CENPK: variants seen among roughly 807,000 people sequenced by gnomAD.
The protein encoded by CENPK is centromere protein K.
CENPK carries 46 observed loss-of-function variants against 40.9 expected under a neutral mutation model. The observed-to-expected ratio is 1.13, with a 90% confidence interval of 0.89 to 1.44. The LOEUF is 1.44. CENPK is among the 40% of genes most tolerant of loss of function. The pLI is 0.00. For synonymous variants in CENPK, 107 were observed against 104.4 expected, an observed-to-expected ratio of 1.02 and a Z score of -0.15; for missense variants, 288 against 303.5, an observed-to-expected ratio of 0.95 and a Z score of 0.38.
chr5:65,509,349 T>C, the CENPK span, among the ~76,000 whole-genome samples: 3 of 152,190 alleles, frequency 2.0e-5, no homozygotes, highest in African/African-American at 7.2e-5. Flanking sequence ...CCCACCTCCA[T>C]AGTTTTGCCT....
chr5:65,535,832 CA>C (rs1324017005), intron 6 of CENPK, among the ~76,000 whole-genome samples: 1 of 152,180 alleles, frequency 6.6e-6, no homozygotes, highest in African/African-American at 2.4e-5. Flanking sequence ...ACACAACTAG[CA>C]TTACAAATGA....
intron 5 of CENPK, among the ~76,000 whole-genome samples, chr5:65,548,754 T>C (rs768979631): frequency 6.6e-6 from 1 of 152,218 alleles, no homozygotes; most frequent in Non-Finnish European, 1.5e-5. Context: ...CAACTCCTCA[T>C]CTGTTCAAGT....
intron 6 of CENPK, 141 bp downstream of exon 6, chr5:65,542,661 G>T: frequency 3.5e-6 from 2 of 579,478 alleles, no homozygotes; most frequent in South Asian, 3.1e-5. Flanking sequence ...CAAATATTAT[G>T]TTCAATAAAA....
chr5:65,526,012 A>T (rs1412546719), intron 9 of CENPK, among the ~76,000 whole-genome samples: 2 of 152,216 alleles, frequency 1.3e-5, no homozygotes, highest in Non-Finnish European at 2.9e-5. Context: ...AGAGAAAGAA[A>T]CACACAGAGA....
At chr5:65,523,166 C>G (rs1403239850) in intron 9 of CENPK, among the ~76,000 whole-genome samples, 1 of 152,146 alleles carries the variant, frequency 6.6e-6, no homozygotes, top group Non-Finnish European at 1.5e-5. Flanking sequence ...AAATAGTCTT[C>G]AATCTGTCAT....
chr5:65,515,204 A>AAAATTTTTTTTTT, downstream of CENPK, among the ~76,000 whole-genome samples: 1 of 124,066 alleles, frequency 8.1e-6, no homozygotes, highest in East Asian at 2.8e-4. Flanking sequence ...TCTCAAAAAA[A>AAAATTTTTTTTTT]TTTTTTTTTT....
intron 9 of CENPK, among the ~76,000 whole-genome samples, chr5:65,522,786 C>T (rs1580888475): frequency 1.3e-5 from 2 of 152,148 alleles, no homozygotes; most frequent in African/African-American, 2.4e-5. Flanking sequence ...GATTATTCTC[C>T]GAATGTGCTC....
rs1285371191 is a variant in CENPK, at chr5:65,554,959, A to G, written c.-39-13T>C. On this transcript the variant is annotated splice_polypyrimidine_tract_variant and intron_variant, in intron 2 of 10. Transcript: ENST00000396679. ...CTTATAAGAAAAACTAAAGCAAAAA[A>G]TATTTATTCATTCAGCAGTATTGGT... is the stretch of plus-strand genomic sequence containing the variant. 3 of 1,025,240 alleles carry G rather than the reference A, an allele frequency of 2.9e-6. No individual in the cohort carries two copies. The highest frequency in any genetic ancestry group is 2.4e-5 in the East Asian group (1 of 41,952). 63.5% of individuals were successfully genotyped at this position (1,025,240 alleles called of 1,614,324 possible). A position where few individuals can be genotyped will look rare whatever the true frequency, so the allele number is the denominator to read the frequency against.
downstream of CENPK, among the ~76,000 whole-genome samples, chr5:65,516,990 T>A (rs1742904793): frequency 6.6e-6 from 1 of 152,070 alleles, no homozygotes; most frequent in Admixed American, 6.5e-5. Context: ...TCACCCAGGC[T>A]GGAGTGCAGT....
At chr5:65,547,177 G>A (rs1425793679) in intron 5 of CENPK, among the ~76,000 whole-genome samples, 1 of 152,108 alleles carries the variant, frequency 6.6e-6, no homozygotes, top group Non-Finnish European at 1.5e-5. Flanking sequence ...AGGATCACCT[G>A]AGGTCAAGAG....
intron 1 of CENPK, among the ~76,000 whole-genome samples, chr5:65,562,187 T>C: frequency 6.6e-6 from 1 of 152,138 alleles, no homozygotes; most frequent in Non-Finnish European, 1.5e-5. Context: ...TTCATCCTCA[T>C]TATTGCATTG....
Position 65,529,007 on chromosome 5 carries a change from A to G in CENPK, c.382T>C (p.Trp128Arg). 7 of 1,608,494 alleles carry G rather than the reference A, an allele frequency of 4.4e-6. No individual in the cohort carries two copies. The highest frequency in any genetic ancestry group is 6.0e-6 in the Non-Finnish European group (7 of 1,176,350). ...LKEDLEREQR[W>R]LDEQQQIMES... ...ATTATCTGTTGCTGTTCATCCAACC[A>G]CCGTTGTTCCCTTTCGACATGGAAA... Residue 128 changes from tryptophan to arginine, a missense_variant, in exon 8 of 11, where the codon TGG becomes CGG. By Grantham distance (101) the Trp-to-Arg change is moderately radical. Coordinates refer to ENST00000396679, the MANE Select transcript of CENPK (RefSeq NM_022145.5).
intron 5 of CENPK, among the ~76,000 whole-genome samples, chr5:65,545,575 C>T (rs1385952457): frequency 6.6e-6 from 1 of 152,112 alleles, no homozygotes; most frequent in Non-Finnish European, 1.5e-5. Context: ...GACAATTTGT[C>T]ACCAGCAGAC....
At chr5:65,540,761 C>CATGACTTG (rs1747810422) in intron 6 of CENPK, among the ~76,000 whole-genome samples, 1 of 151,682 alleles carries the variant, frequency 6.6e-6, no homozygotes, top group Non-Finnish European at 1.5e-5. Context: ...TCCCTTCCAC[C>CATGACTTG]ATGACTTGCC....
intron 9 of CENPK, among the ~76,000 whole-genome samples, chr5:65,524,108 G>A (rs976278208): frequency 1.3e-5 from 2 of 152,050 alleles, no homozygotes; most frequent in Non-Finnish European, 2.9e-5. Context: ...GGGCACGGTG[G>A]CTCATGCCTG....
chr5:65,529,584 T>C (rs1745372417), intron 6 of CENPK: 1 of 167,004 alleles, frequency 6.0e-6, no homozygotes, highest in South Asian at 1.5e-4. Context: ...GCCTCCCGGG[T>C]TCACGCCATT....
At chr5:65,501,547 G>C in the CENPK span, among the ~76,000 whole-genome samples, 1 of 151,944 alleles carries the variant, frequency 6.6e-6, no homozygotes, top group African/African-American at 2.4e-5. Context: ...CTAGTTCTTC[G>C]GGCATGTATT....
chr5:65,535,979 TAA>T (rs1746824160), intron 6 of CENPK, among the ~76,000 whole-genome samples: 2 of 152,328 alleles, frequency 1.3e-5, no homozygotes, highest in South Asian at 4.1e-4. Flanking sequence ...TGCACTGCGA[TAA>T]GTTACTGTAG....
At position 65,526,450 on chromosome 5, in the gene CENPK, T is replaced by C. The variant is rs185593297; in HGVS notation, c.597+2002A>G. ...AAGGGAAGAATAAAAAGAACACAGA[T>C]AGTAAAAACAAAAACAAACAGAACT... On this transcript the variant is annotated intron_variant, in intron 9 of 10. Coordinates refer to ENST00000396679, the MANE Select transcript of CENPK (RefSeq NM_022145.5). Among the ~76,000 whole-genome samples, 28 of 152,278 alleles carry C rather than the reference T, an allele frequency of 1.8e-4. No homozygotes were observed. The East Asian group carries it at 4.8e-3, about 26-fold the overall frequency.
Sources: allele counts gnomAD v4.1 joint callset (sites outside exome capture counted in the v4.1 genomes callset), GRCh38; gene constraint gnomAD v4.1.1; transcripts MANE v1.5; gene names NCBI Gene and HGNC (gene_info 2026-07-23, HGNC 2026-07-21).